The following MYBBP1A variants were observed in gnomAD, a reference collection of about 807,000 sequenced individuals.
MYBBP1A encodes MYB binding protein 1a, also known as myb-binding protein 1A.
A neutral mutation model predicts 136.3 loss-of-function variants in MYBBP1A; 147 were observed. The ratio of observed to expected loss-of-function variants is 1.08; its 90% CI spans 0.94 to 1.24. MYBBP1A has a LOEUF of 1.24. Ranked by LOEUF, MYBBP1A falls within the 50% of genes most tolerant of loss-of-function variation. MYBBP1A has a pLI of 0.00. For missense variants in MYBBP1A, 2,060 were observed against 1,727.4 expected (o/e 1.19, Z -3.41); for synonymous variants, 947 against 735.8 (o/e 1.29, Z -4.65).
chr17:4,549,184 G>A, intron 10 of MYBBP1A, 148 bp downstream of exon 10: 1 of 664,214 alleles, frequency 1.5e-6, no homozygotes, highest in Non-Finnish European at 2.5e-6. Flanking sequence ...GGTTCCTGAG[G>A]AATTCCCAAG....
Position 4,544,754 on chromosome 17 carries a change from G to A in MYBBP1A, c.2478C>T (p.Ile826=). 1 of 1,560,472 alleles carries A rather than the reference G, an allele frequency of 6.4e-7. No individual in the cohort carries two copies. The change falls in exon 18 of 26, where the codon ATC becomes ATT. Residue 826 remains isoleucine (I), a synonymous_variant. Transcript: ENST00000254718. ...KEKALRRDFQ[I]RVLDLVEVLV... is the part of the protein sequence containing the mutation. ...TGCGGCCCGCCCCCAGGCTCACCCG[G>A]ATCTGGAAGTCGCGCCGCAGAGCCT... is the stretch of plus-strand genomic sequence containing the variant.
intron 5 of MYBBP1A, 82 bp downstream of exon 5, chr17:4,553,728 C>T (rs1029986961): frequency 2.0e-6 from 2 of 1,012,828 alleles, no homozygotes; most frequent in African/African-American, 1.6e-5. Context: ...TGGAACAGTG[C>T]TGTTCCAGAT....
rs752629648 is a variant in MYBBP1A at position 4,554,912 on chromosome 17, G to A, written c.243C>T (p.Leu81=). Residue 81 remains leucine (L), a synonymous_variant, in exon 2 of 26, where the codon CTC becomes CTT. Transcript: ENST00000254718. ...GCCGGGCTGTTTCTCGCCCGACCCC[G>A]AGTCCCGTGATTAGACGCTTCAGGG... ...KYALKRLITG[L]GVGRETARPC... The A allele has an allele frequency of 6.2e-7, 1 of 1,613,532 alleles. No individual in the cohort carries two copies. Among genetic ancestry groups the A allele is most frequent in the East Asian group, 2.2e-5 (1 of 44,884 alleles).
Position 4,539,308 on chromosome 17 carries a change from C to T in MYBBP1A, c.*107G>A, listed in dbSNP as rs993988051. Reference sequence around the variant, plus strand: ...CAACAGCCACCCTCCCCAGTGGCAGCGCCTTAGAAACAGCTTGCGTATTAA... The same window carrying T: ...CAACAGCCACCCTCCCCAGTGGCAGTGCCTTAGAAACAGCTTGCGTATTAA... On this transcript the variant is annotated 3_prime_UTR_variant, in exon 26 of 26. Coordinates refer to ENST00000254718, the MANE Select transcript of MYBBP1A (RefSeq NM_014520.4). 6.7e-6 allele frequency: 10 copies of T among 1,492,836 alleles called. No homozygotes were observed. Among genetic ancestry groups the T allele is most frequent in the East Asian group, 4.6e-5 (2 of 43,574 alleles). The allele number at this position is 1,492,836 out of a possible 1,614,324, so 92.5% of individuals were successfully genotyped here. A position where few individuals can be genotyped will look rare whatever the true frequency, so the allele number is the denominator to read the frequency against.
rs371783239 is a variant in MYBBP1A at position 4,539,861 on chromosome 17, G to T, written c.3541C>A (p.Arg1181Ser). The T allele has an allele frequency of 1.2e-6, 2 of 1,606,542 alleles. No homozygotes were observed. ...CCATCCTCTGACTTGCGTTTCTTGC[G>T]CTTCTTCGTCTCTGGCAAGAATCCC... The part of the protein sequence containing the change: ...KKGFLPETKK[R>S]KKRKSEDGTP... Residue 1181 changes from arginine (R) to serine (S), a missense_variant, in exon 26 of 26, where the codon CGC becomes AGC. Coordinates refer to ENST00000254718, the MANE Select transcript of MYBBP1A (RefSeq NM_014520.4).
intron 4 of MYBBP1A, 23 bp from the exon 5 acceptor site, chr17:4,553,940 G>A (rs1026178519): frequency 6.2e-7 from 1 of 1,613,754 alleles, no homozygotes; most frequent in Non-Finnish European, 8.5e-7. Context: ...GAGGGACAGA[G>A]GGTATGAGCA....
intron 5 of MYBBP1A, among the ~76,000 whole-genome samples, chr17:4,553,567 C>A (rs1907727649): frequency 6.6e-6 from 1 of 152,216 alleles, no homozygotes; most frequent in Admixed American, 6.5e-5. Flanking sequence ...GATATCTCAA[C>A]ACTTTTTTAT....
chr17:4,540,100 C>T lies in MYBBP1A; in HGVS notation c.3435-133G>A, dbSNP rs534178689. 3.9e-5 allele frequency: 47 copies of T among 1,219,452 alleles called. No individual in the cohort carries two copies. In the Admixed American group the frequency reaches 6.3e-4, roughly 16 times the overall value. The allele number at this position is 1,219,452 out of a possible 1,614,324, so 75.5% of individuals were successfully genotyped here. A position where few individuals can be genotyped will look rare whatever the true frequency, so the allele number is the denominator to read the frequency against. On this transcript the variant is annotated intron_variant, in intron 25 of 25. Coordinates refer to ENST00000254718, the MANE Select transcript of MYBBP1A (RefSeq NM_014520.4). ...TTCTGTGAGGCCCCTATGAGGGTCC[C>T]GTGAGGGTCCTATGAGGGTCCTGCG...
chr17:4,553,964 T>TC (rs766455154), intron 4 of MYBBP1A, 47 bp from the exon 5 acceptor site: 2 of 1,613,412 alleles, frequency 1.2e-6, no homozygotes, highest in Non-Finnish European at 1.7e-6. Flanking sequence ...CACACGACTG[T>TC]CCCCCACCCA....
At chr17:4,546,718 G>A (rs959956138) in intron 13 of MYBBP1A, among the ~76,000 whole-genome samples, 1 of 152,224 alleles carries the variant, frequency 6.6e-6, no homozygotes, top group Non-Finnish European at 1.5e-5. Flanking sequence ...CGTGGTGTGC[G>A]CATGTGCGTG....
In MYBBP1A at chr17:4,554,735, G is replaced by A. The variant is rs577629212; in HGVS notation, c.294+126C>T. ...CCTCCCTCAGGTTGGCCTCCAGTCTGCTCTGCCACTCCCGACCTCTCTCTC... is the reference window on the plus strand; with the variant it reads ...CCTCCCTCAGGTTGGCCTCCAGTCTACTCTGCCACTCCCGACCTCTCTCTC... On this transcript the variant is annotated intron_variant, in intron 2 of 25. Coordinates refer to ENST00000254718, the MANE Select transcript of MYBBP1A (RefSeq NM_014520.4). 1.5e-5 allele frequency: 14 copies of A among 906,168 alleles called. 1 individual carries two copies. In the South Asian group the frequency reaches 2.1e-4, roughly 13 times the overall value. 56.1% of individuals were successfully genotyped at this position (906,168 alleles called of 1,614,324 possible).
chr17:4,554,906 G>A lies in MYBBP1A; in HGVS notation c.249C>T (p.Val83=), dbSNP rs912812170. The A allele has an allele frequency of 6.2e-7, 1 of 1,613,402 alleles. No homozygotes were observed. Among genetic ancestry groups the A allele is most frequent in the African/African-American group, 1.3e-5 (1 of 74,886 alleles). The stretch of plus-strand genomic sequence containing the variant: ...AGCAGGGCCGGGCTGTTTCTCGCCC[G>A]ACCCCGAGTCCCGTGATTAGACGCT... ...ALKRLITGLG[V]GRETARPCYS... Residue 83 remains valine, a synonymous_variant, in exon 2 of 26, where the codon GTC becomes GTT. Transcript: ENST00000254718.
chr17:4,551,752 C>T, intron 8 of MYBBP1A, 128 bp downstream of exon 8: 1 of 791,042 alleles, frequency 1.3e-6, no homozygotes, highest in South Asian at 1.5e-5. Context: ...TCAGGCAGCT[C>T]ACTACCCAGA....
At chr17:4,540,211 T>A in intron 25 of MYBBP1A, 137 bp downstream of exon 25, 4 of 1,302,590 alleles carry the variant, frequency 3.1e-6, no homozygotes, top group Non-Finnish European at 4.1e-6. Context: ...AGAATGCGCT[T>A]GAGTGCATGT....
Position 4,548,730 on chromosome 17 carries a change from G to A in MYBBP1A, c.1431-81C>T. On this transcript the variant is annotated intron_variant, in intron 10 of 25. Coordinates refer to ENST00000254718, the MANE Select transcript of MYBBP1A (RefSeq NM_014520.4). This position sits in a 1 kb window ranked among gnomAD's most constrained non-coding sequence, Gnocchi z 4.2. ...TCCCCTCCTTGGATGGTACCACCGAGGGTACAAGGCCAGGAGGAGGAGGAG... is the reference window on the plus strand; with the variant it reads ...TCCCCTCCTTGGATGGTACCACCGAAGGTACAAGGCCAGGAGGAGGAGGAG... The A allele has an allele frequency of 6.3e-7, 1 of 1,584,102 alleles. No homozygotes were observed. The highest frequency in any genetic ancestry group is 2.2e-5 in the East Asian group (1 of 44,636).
At chr17:4,555,038 C>T (rs982909926) in intron 1 of MYBBP1A, 82 bp from the exon 2 acceptor site, 109 of 1,586,454 alleles carry the variant, frequency 6.9e-5, no homozygotes, top group Middle Eastern at 1.7e-4. Context: ...AGGTTCGCGA[C>T]CACGTGCCCC....
In MYBBP1A at chr17:4,543,182, C is replaced by T. The variant is rs377298691; in HGVS notation, c.2640-17G>A. 33 of 1,590,912 alleles carry T rather than the reference C, an allele frequency of 2.1e-5. No individual in the cohort carries two copies. The highest frequency in any genetic ancestry group is 6.7e-5 in the South Asian group (6 of 89,176). On this transcript the variant is annotated splice_polypyrimidine_tract_variant and intron_variant, in intron 19 of 25. Coordinates refer to ENST00000254718, the MANE Select transcript of MYBBP1A (RefSeq NM_014520.4). The stretch of plus-strand genomic sequence containing the variant: ...AGGTGGTGCCTGTGGGTGGTGAGGA[C>T]GAGAGCTGGTCAGAACATTCTCGGT...
At chr17:4,544,675 C>T (rs757234337) in intron 18 of MYBBP1A, 29 bp from the exon 19 acceptor site, 82 of 1,050,456 alleles carry the variant, frequency 7.8e-5, no homozygotes, top group East Asian at 1.2e-4. Flanking sequence ...GTCAGCAACA[C>T]GGGGGTGGGC....
At position 4,545,683 on chromosome 17, in the gene MYBBP1A, C is replaced by A. The variant is rs774454773; in HGVS notation, c.2000G>T (p.Arg667Leu). Reference sequence around the variant, plus strand: ...GCCAAACACGCTCCGGGCCACCTGGCGCATGAGGTGGCTGGGCTGGGCCAA... The same window carrying A: ...GCCAAACACGCTCCGGGCCACCTGGAGCATGAGGTGGCTGGGCTGGGCCAA... ...ALLAQPSHLM[R>L]QVARSVFGHI... Residue 667 changes from arginine (R) to leucine (L), a missense_variant, in exon 15 of 26, where the codon CGC becomes CTC. Coordinates refer to ENST00000254718, the MANE Select transcript of MYBBP1A (RefSeq NM_014520.4). 3.1e-6 allele frequency: 5 copies of A among 1,611,198 alleles called. No homozygotes were observed. Among genetic ancestry groups the A allele is most frequent in the South Asian group, 1.1e-5 (1 of 90,926 alleles).
Sources: allele counts gnomAD v4.1 joint callset (sites outside exome capture counted in the v4.1 genomes callset), GRCh38; gene constraint gnomAD v4.1.1; non-coding constraint Gnocchi (gnomAD v3.1); transcripts MANE v1.5; gene names NCBI Gene and HGNC (gene_info 2026-07-23, HGNC 2026-07-21).